Variants in LTBP1 observed in about 807,000 individuals in gnomAD.
LTBP1 encodes latent-transforming growth factor beta-binding protein 1.
In LTBP1, 129 loss-of-function variants were observed where a neutral mutation model predicts 207.6. That is an observed-to-expected ratio of 0.62 (90% confidence interval 0.54 to 0.72). The LOEUF is 0.72. Ranked by LOEUF, LTBP1 falls within the 30% of genes least tolerant of loss-of-function variation. LTBP1 has a pLI of 0.00. For synonymous variants in LTBP1, 963 were observed against 833.7 expected (o/e 1.16, Z -2.67); for missense variants, 2,281 against 2,217.2 (o/e 1.03, Z -0.58).
intron 5 of LTBP1, among the ~76,000 whole-genome samples, chr2:33,174,553 A>G (rs1375471215): frequency 3.9e-5 from 6 of 152,108 alleles, no homozygotes; most frequent in Middle Eastern, 6.3e-3. Flanking sequence ...GGTAGGAAGA[A>G]TCAATATCGT....
At chr2:33,289,887 A>G (rs955882774) in intron 19 of LTBP1, among the ~76,000 whole-genome samples, 2 of 152,160 alleles carry the variant, frequency 1.3e-5, no homozygotes, top group Non-Finnish European at 2.9e-5. Context: ...CATGGGGTGG[A>G]TGGTGGGGTG....
chr2:33,266,918 C>A (rs556240314), intron 15 of LTBP1, among the ~76,000 whole-genome samples: 27 of 152,350 alleles, frequency 1.8e-4, no homozygotes, highest in South Asian at 1.2e-3. Context: ...CCCCCACTCA[C>A]CATGTTGAGG....
chr2:33,125,704 CCTGT>C (rs2081395421), intron 4 of LTBP1, among the ~76,000 whole-genome samples: 1 of 151,898 alleles, frequency 6.6e-6, no homozygotes, highest in Non-Finnish European at 1.5e-5. Flanking sequence ...GGTGCAGGTG[CCTGT>C]AGTCCCAGCT....
intron 9 of LTBP1, among the ~76,000 whole-genome samples, chr2:33,233,653 T>C (rs2091905555): frequency 6.6e-6 from 1 of 152,096 alleles, no homozygotes. Flanking sequence ...AATTTCCACT[T>C]GGAGTTTGGG....
intron 3 of LTBP1, among the ~76,000 whole-genome samples, chr2:33,036,831 A>G (rs1457684863): frequency 6.6e-6 from 1 of 152,222 alleles, no homozygotes; most frequent in African/African-American, 2.4e-5. Context: ...ATAGAAAAAT[A>G]TCAAAATGCT....
chr2:33,236,269 GTACT>G (rs1278286002), intron 9 of LTBP1, among the ~76,000 whole-genome samples: 1 of 152,156 alleles, frequency 6.6e-6, no homozygotes, highest in Non-Finnish European at 1.5e-5. Flanking sequence ...AAACTGTCAT[GTACT>G]TAGTTTGATG....
intron 4 of LTBP1, among the ~76,000 whole-genome samples, chr2:33,119,396 C>T (rs367543943): frequency 2.6e-5 from 4 of 152,184 alleles, no homozygotes; most frequent in Middle Eastern, 3.4e-3. Context: ...AATAGGCCCA[C>T]GCAAAATACT....
Position 33,389,281 on chromosome 2 carries a change from A to T in LTBP1, c.4809A>T (p.Glu1603Asp), listed in dbSNP as rs766969176. The T allele has an allele frequency of 6.2e-7, 1 of 1,614,202 alleles. No individual in the cohort carries two copies. The highest frequency in any genetic ancestry group is 1.1e-5 in the South Asian group (1 of 91,076). ...LVDFSEQYTP[E>D]ADPYFIQDRF... ...ACTTCAGTGAACAGTATACTCCAGA[A>T]GCCGATCCCTACTTCATCCAAGACC... The change falls in exon 32 of 34, where the codon GAA (glutamate) becomes GAT (aspartate). Residue 1603 changes from glutamate to aspartate, a missense_variant. Coordinates refer to ENST00000404816, the MANE Select transcript of LTBP1 (RefSeq NM_206943.4).
At chr2:33,193,144 T>C (rs2088107214) in intron 7 of LTBP1, among the ~76,000 whole-genome samples, 1 of 151,592 alleles carries the variant, frequency 6.6e-6, no homozygotes, top group African/African-American at 2.4e-5. Flanking sequence ...CTTATTCTTT[T>C]TTGTTTGTTT....
At chr2:33,243,441 T>G (rs1429449472) in intron 9 of LTBP1, among the ~76,000 whole-genome samples, 1 of 152,220 alleles carries the variant, frequency 6.6e-6, no homozygotes, top group Non-Finnish European at 1.5e-5. Context: ...TAGTAAATCC[T>G]TAGCACCTGG....
chr2:33,342,938 C>T lies in LTBP1; in HGVS notation c.3831C>T (p.Ala1277=). 3 of 1,613,792 alleles carry T rather than the reference C, an allele frequency of 1.9e-6. No individual in the cohort carries two copies. Among genetic ancestry groups the T allele is most frequent in the Non-Finnish European group, 2.5e-6 (3 of 1,179,772 alleles). The part of the protein sequence containing the change: ...FRCLCYQGFQ[A]PQDGQGCVDV... The stretch of plus-strand genomic sequence containing the variant: ...GCCTCTGTTATCAGGGCTTTCAAGC[C>T]CCACAGGATGGGCAAGGGTGTGTGG... Residue 1277 remains alanine (A), a synonymous_variant, in exon 25 of 34, where the codon GCC becomes GCT. Coordinates refer to ENST00000404816, the MANE Select transcript of LTBP1 (RefSeq NM_206943.4).
chr2:33,056,795 A>G (rs921285162), intron 3 of LTBP1, among the ~76,000 whole-genome samples: 13 of 152,152 alleles, frequency 8.5e-5, no homozygotes, highest in African/African-American at 2.4e-4. Context: ...GAGCAAAAGA[A>G]CAAAGCTTCC....
chr2:33,256,147 G>A (rs1364947644), intron 11 of LTBP1, among the ~76,000 whole-genome samples: 1 of 151,826 alleles, frequency 6.6e-6, no homozygotes, highest in Non-Finnish European at 1.5e-5. Flanking sequence ...CCAGGGCACA[G>A]AATATCTCCT....
At chr2:32,952,426 C>T (rs952887520) in intron 2 of LTBP1, among the ~76,000 whole-genome samples, 26 of 152,132 alleles carry the variant, frequency 1.7e-4, no homozygotes, top group Admixed American at 5.2e-4. Context: ...CCCTAGGAAT[C>T]GAAATTATCG....
Position 33,335,833 on chromosome 2 carries a change from T to G in LTBP1, c.3731-7005T>G, listed in dbSNP as rs139834851. On this transcript the variant is annotated intron_variant, in intron 24 of 33. Coordinates refer to ENST00000404816, the MANE Select transcript of LTBP1 (RefSeq NM_206943.4). The stretch of plus-strand genomic sequence containing the variant: ...CTGCATTTCCATTGTAAGCCCCTTT[T>G]CTTTGGATCTGTTTTCCTAAGATTC... Among the ~76,000 whole-genome samples, 794 of 152,338 alleles carry G rather than the reference T, an allele frequency of 5.2e-3. 5 individuals carry two copies. The highest frequency in any genetic ancestry group is 0.018 in the African/African-American group (762 of 41,572).
chr2:32,961,326 AGT>A (rs1161849290), intron 2 of LTBP1, among the ~76,000 whole-genome samples: 1 of 152,228 alleles, frequency 6.6e-6, no homozygotes, highest in African/African-American at 2.4e-5. Context: ...TTAGGATGAA[AGT>A]GTGAGGGTGA....
At chr2:33,238,441 A>G (rs1176461684) in intron 9 of LTBP1, among the ~76,000 whole-genome samples, 1 of 152,246 alleles carries the variant, frequency 6.6e-6, no homozygotes, top group Non-Finnish European at 1.5e-5. Context: ...GTAATATATT[A>G]TGCACCAAAT....
intron 2 of LTBP1, among the ~76,000 whole-genome samples, chr2:32,985,534 C>CT (rs1373904821): frequency 6.6e-6 from 1 of 152,158 alleles, no homozygotes; most frequent in African/African-American, 2.4e-5. Flanking sequence ...GGAGATGTGT[C>CT]TAAGGGACAA....
At chr2:33,240,971 C>T (rs577502795) in intron 9 of LTBP1, among the ~76,000 whole-genome samples, 44 of 152,244 alleles carry the variant, frequency 2.9e-4, no homozygotes, top group African/African-American at 1.0e-3. Context: ...TAATCACAAT[C>T]TGGGTGGTGG....
Sources: allele counts gnomAD v4.1 joint callset (sites outside exome capture counted in the v4.1 genomes callset), GRCh38; gene constraint gnomAD v4.1.1; transcripts MANE v1.5; gene names NCBI Gene and HGNC (gene_info 2026-07-23, HGNC 2026-07-21).